The following PATJ variants were observed in gnomAD, a reference collection of about 807,000 sequenced individuals.
PATJ encodes the protein PATJ crumbs cell polarity complex component, also known as inaD-like protein.
Under a neutral mutation model 224.9 loss-of-function variants are expected in PATJ, and 190 were observed. That is an observed-to-expected ratio of 0.84 (90% CI 0.75 to 0.95). The LOEUF (loss-of-function observed/expected upper bound fraction) is 0.95. PATJ is among the 40% of genes least tolerant of loss of function. The pLI, the probability that PATJ is intolerant of heterozygous loss-of-function variation, is 0.00. For missense variants in PATJ, 2,121 were observed against 2,270.3 expected (o/e 0.93, Z 1.34); for synonymous variants, 769 against 820.3 (o/e 0.94, Z 1.07).
chr1:61,991,186 A>T (rs1184883687), intron 28 of PATJ, among the ~76,000 whole-genome samples: 7 of 94,206 alleles, frequency 7.4e-5, no homozygotes, highest in Non-Finnish European at 1.5e-4. Flanking sequence ...AAATGCAATG[A>T]TGATGATGAT....
At chr1:61,861,468 AT>A in intron 18 of PATJ, 82 bp from the exon 19 acceptor site, 1 of 670,408 alleles carries the variant, frequency 1.5e-6, no homozygotes, top group South Asian at 1.8e-5. Flanking sequence ...TGCATTAGGT[AT>A]TTGTCCTAAT....
At chr1:61,904,806 A>G (rs903293741) in intron 24 of PATJ, among the ~76,000 whole-genome samples, 1 of 152,252 alleles carries the variant, frequency 6.6e-6, no homozygotes, top group Admixed American at 6.5e-5. Flanking sequence ...CTTGATGTCT[A>G]TAAATATGTT....
At chr1:62,025,060 T>C (rs1406829310) in intron 29 of PATJ, among the ~76,000 whole-genome samples, 1 of 152,166 alleles carries the variant, frequency 6.6e-6, no homozygotes, top group Non-Finnish European at 1.5e-5. Flanking sequence ...TTCTTTTGCT[T>C]AAGTTGGCCC....
intron 30 of PATJ, among the ~76,000 whole-genome samples, chr1:62,048,277 T>C (rs1253398435): frequency 2.0e-5 from 3 of 152,000 alleles, no homozygotes; most frequent in Non-Finnish European, 2.9e-5. Flanking sequence ...CCGGGCGTGG[T>C]GGCTCACACT....
At chr1:62,134,567 A>G (rs1366841802) in intron 41 of PATJ, among the ~76,000 whole-genome samples, 1 of 134,760 alleles carries the variant, frequency 7.4e-6, no homozygotes, top group Non-Finnish European at 1.6e-5. Context: ...CTGGTCTCAA[A>G]CTCCTGACCT....
At chr1:61,815,693 A>G (rs756033529) in intron 14 of PATJ, among the ~76,000 whole-genome samples, 1 of 152,128 alleles carries the variant, frequency 6.6e-6, no homozygotes, top group South Asian at 2.1e-4. Flanking sequence ...CTATATTTTT[A>G]AAAAAAGAAG....
intron 27 of PATJ, among the ~76,000 whole-genome samples, chr1:61,958,517 C>T (rs1680759057): frequency 6.6e-6 from 1 of 152,002 alleles, no homozygotes; most frequent in Non-Finnish European, 1.5e-5. Flanking sequence ...GTTAAAGTAC[C>T]CTACCATTTG....
At chr1:61,913,260 G>T (rs753228957) in intron 25 of PATJ, among the ~76,000 whole-genome samples, 5 of 151,866 alleles carry the variant, frequency 3.3e-5, no homozygotes, top group Non-Finnish European at 7.4e-5. Context: ...TTTGAATCAG[G>T]ATCTTGCCCT....
At chr1:61,775,058 A>G in intron 6 of PATJ, 148 bp from the exon 7 acceptor site, 2 of 732,986 alleles carry the variant, frequency 2.7e-6, no homozygotes, top group Admixed American at 2.8e-5. Flanking sequence ...CTCTGTCTGT[A>G]TATCTTAGCC....
At chr1:61,921,785 G>T (rs887092665) in intron 26 of PATJ, among the ~76,000 whole-genome samples, 31 of 152,308 alleles carry the variant, frequency 2.0e-4, no homozygotes, top group Non-Finnish European at 4.3e-4. Context: ...TGAGGTGTCA[G>T]GGGAAGAGGT....
At chr1:61,798,062 T>G (rs1010858394) in intron 11 of PATJ, among the ~76,000 whole-genome samples, 3 of 152,362 alleles carry the variant, frequency 2.0e-5, no homozygotes, top group Non-Finnish European at 2.9e-5. Flanking sequence ...TGCCTTGGTC[T>G]TCCAACATGC....
intron 14 of PATJ, 35 bp downstream of exon 14, chr1:61,808,565 T>C: frequency 7.2e-7 from 1 of 1,383,114 alleles, no homozygotes; most frequent in South Asian, 1.2e-5. Context: ...AACAGTTTTA[T>C]TTTTTTTAAG....
intron 29 of PATJ, among the ~76,000 whole-genome samples, chr1:62,026,973 T>C (rs1570160469): frequency 6.6e-6 from 1 of 152,288 alleles, no homozygotes; most frequent in African/African-American, 2.4e-5. Flanking sequence ...GTATAACATA[T>C]AACACAAAAG....
chr1:61,957,554 A>G (rs1680611258), intron 27 of PATJ, among the ~76,000 whole-genome samples: 1 of 152,104 alleles, frequency 6.6e-6, no homozygotes, highest in Non-Finnish European at 1.5e-5. Flanking sequence ...TGATTTATGC[A>G]TTGCACCATG....
chr1:61,745,989 G>A (rs1454548281), intron 1 of PATJ, among the ~76,000 whole-genome samples: 1 of 151,864 alleles, frequency 6.6e-6, no homozygotes, highest in Non-Finnish European at 1.5e-5. Flanking sequence ...CCAGGCTGAA[G>A]TGCAGTGCCG....
chr1:61,785,364 T>C (rs1401359881), intron 7 of PATJ, among the ~76,000 whole-genome samples: 1 of 152,224 alleles, frequency 6.6e-6, no homozygotes, highest in Non-Finnish European at 1.5e-5. Context: ...GAGATTGACT[T>C]GCTACAGTAA....
At chr1:61,779,178 T>C (rs1570438150) in intron 7 of PATJ, among the ~76,000 whole-genome samples, 1 of 152,186 alleles carries the variant, frequency 6.6e-6, no homozygotes, top group South Asian at 2.1e-4. Flanking sequence ...ACAGAACCAA[T>C]AGGACATGCG....
intron 3 of PATJ, among the ~76,000 whole-genome samples, chr1:61,765,066 ATTTTTTTTTTTTTTTTTTTT>A (rs71582647): frequency 8.3e-5 from 2 of 24,010 alleles, no homozygotes; most frequent in Admixed American, 8.6e-4. Flanking sequence ...ATTGACATTC[ATTTTTTTTTTTTTTTTTTTT>A]TTTTTTTTTT....
At chr1:61,959,745 T>C (rs980849288) in intron 27 of PATJ, among the ~76,000 whole-genome samples, 5 of 152,152 alleles carry the variant, frequency 3.3e-5, no homozygotes, top group Non-Finnish European at 5.9e-5. Flanking sequence ...ACTGCTTTTT[T>C]AGAATGGTTC....
Sources: allele counts gnomAD v4.1 joint callset (sites outside exome capture counted in the v4.1 genomes callset), GRCh38; gene constraint gnomAD v4.1.1; transcripts MANE v1.5; gene names NCBI Gene and HGNC (gene_info 2026-07-23, HGNC 2026-07-21).